The following ZFP3 variants were observed in gnomAD, a reference collection of about 807,000 sequenced individuals.
ZFP3 encodes ZFP3 zinc finger protein.
A neutral mutation model predicts 36.7 loss-of-function variants in ZFP3; 18 were observed. That is an observed-to-expected ratio of 0.49 (90% CI 0.34 to 0.73). ZFP3 has a LOEUF of 0.73. Among genes scored for constraint, ZFP3 ranks in the 30% least tolerant of loss-of-function variants. The probability of loss-of-function intolerance (pLI) is 0.01; values close to 1 mark genes in which losing one functional copy is unlikely to be tolerated. For synonymous variants in ZFP3, 218 were observed against 199.0 expected, an observed-to-expected ratio of 1.10 and a Z score of -0.81; for missense variants, 495 against 599.0, an observed-to-expected ratio of 0.83 and a Z score of 1.81.
Position 5,094,776 on chromosome 17 carries a change from T to C in ZFP3, c.*1763T>C, listed in dbSNP as rs2072171648. 1.8e-5 allele frequency: 3 copies of C among 167,254 alleles called. No homozygotes were observed. The highest frequency in any genetic ancestry group is 7.2e-5 in the African/African-American group (3 of 41,594). 10.4% of individuals were successfully genotyped at this position (167,254 alleles called of 1,614,324 possible). On this transcript the variant is annotated 3_prime_UTR_variant, in exon 2 of 2. Coordinates refer to ENST00000318833, the MANE Select transcript of ZFP3 (RefSeq NM_153018.3). The stretch of plus-strand genomic sequence containing the variant: ...TTTAATTTTCACATCATTTCTATGA[T>C]GTGGGTACTCATTTTTTTAAAGCTT...
At chr17:5,087,464 C>CT (rs1211758613) in intron 1 of ZFP3, among the ~76,000 whole-genome samples, 1 of 152,162 alleles carries the variant, frequency 6.6e-6, no homozygotes, top group African/African-American at 2.4e-5. Context: ...CCCTACCATT[C>CT]TTTATCTTCT....
At chr17:5,084,746 A>C (rs2072112480) in intron 1 of ZFP3, among the ~76,000 whole-genome samples, 1 of 152,324 alleles carries the variant, frequency 6.6e-6, no homozygotes, top group Non-Finnish European at 1.5e-5. Flanking sequence ...CCTCCATCTT[A>C]TCTCTCTTCA....
At chr17:5,086,292 C>G (rs12948667) in intron 1 of ZFP3, among the ~76,000 whole-genome samples, 1 of 151,856 alleles carries the variant, frequency 6.6e-6, no homozygotes, top group Non-Finnish European at 1.5e-5. Flanking sequence ...TAGAGGTGCC[C>G]GAGCCGGATG....
chr17:5,087,988 G>A (rs1367526601), intron 1 of ZFP3, among the ~76,000 whole-genome samples: 4 of 152,174 alleles, frequency 2.6e-5, no homozygotes, highest in Non-Finnish European at 5.9e-5. Flanking sequence ...ACTCGTGACT[G>A]TTTCTTTGAC....
At position 5,092,486 on chromosome 17, in the gene ZFP3, C is replaced by G. The variant is rs762493415; in HGVS notation, c.982C>G (p.Gln328Glu). The G allele has an allele frequency of 6.2e-7, 1 of 1,614,052 alleles. No individual in the cohort carries two copies. The highest frequency in any genetic ancestry group is 8.5e-7 in the Non-Finnish European group (1 of 1,180,004). ...FGQSSELIRH[Q>E]RIHTGDKPYE... Reference sequence around the variant, plus strand: ...GCAGAGTTCTGAGCTTATCCGGCATCAGAGAATTCATACAGGGGACAAACC... The same window carrying G: ...GCAGAGTTCTGAGCTTATCCGGCATGAGAGAATTCATACAGGGGACAAACC... Residue 328 changes from glutamine to glutamate, a missense_variant, in exon 2 of 2, where the codon CAG becomes GAG. Coordinates refer to ENST00000318833, the MANE Select transcript of ZFP3 (RefSeq NM_153018.3). This position sits in a 1 kb window ranked among gnomAD's most constrained non-coding sequence, Gnocchi z 5.0.
chr17:5,082,737 C>G (rs1380307811), intron 1 of ZFP3, among the ~76,000 whole-genome samples: 1 of 152,110 alleles, frequency 6.6e-6, no homozygotes, highest in Non-Finnish European at 1.5e-5. Flanking sequence ...GCCCTGTTGG[C>G]CAGGCTGGTC....
intron 1 of ZFP3, among the ~76,000 whole-genome samples, chr17:5,088,058 T>G (rs1393267326): frequency 6.6e-6 from 1 of 152,204 alleles, no homozygotes; most frequent in African/African-American, 2.4e-5. Flanking sequence ...CTGAGTACTT[T>G]CAAGTCTGTA....
intron 1 of ZFP3, among the ~76,000 whole-genome samples, chr17:5,088,925 GT>G (rs2072135512): frequency 6.6e-6 from 1 of 152,210 alleles, no homozygotes; most frequent in Non-Finnish European, 1.5e-5. Flanking sequence ...ACCTTCCACA[GT>G]GAACACTTTC....
In ZFP3 at chr17:5,094,091, C is replaced by T. The variant is rs914599657; in HGVS notation, c.*1078C>T. ...ATGAGTCAGTTCACCTGATGACAAA[C>T]CAGGGTCTGGCCTTGCCAAAGCACT... On this transcript the variant is annotated 3_prime_UTR_variant, in exon 2 of 2. Transcript: ENST00000318833. The T allele has an allele frequency of 1.8e-5, 3 of 167,222 alleles. No homozygotes were observed. The highest frequency in any genetic ancestry group is 4.8e-5 in the African/African-American group (2 of 41,480). The allele number at this position is 167,222 out of a possible 1,614,324, so 10.4% of individuals were successfully genotyped here.
chr17:5,079,049 C>G (rs772961124), intron 1 of ZFP3, among the ~76,000 whole-genome samples: 27 of 152,244 alleles, frequency 1.8e-4, no homozygotes, highest in Non-Finnish European at 1.8e-4. Context: ...AGATAGAGCC[C>G]TATTGTGGGT....
chr17:5,088,476 CTTTTTTTTTT>C (rs71149522), intron 1 of ZFP3, among the ~76,000 whole-genome samples: 16 of 131,294 alleles, frequency 1.2e-4, no homozygotes, highest in African/African-American at 4.5e-4. Context: ...CTACTGCTTT[CTTTTTTTTTT>C]TTTTTTTTTA....
chr17:5,087,484 C>G (rs1219089099), intron 1 of ZFP3, among the ~76,000 whole-genome samples: 1 of 152,168 alleles, frequency 6.6e-6, no homozygotes, highest in Admixed American at 6.5e-5. Context: ...TTGGCTCATT[C>G]TCTTCCTCTA....
chr17:5,086,333 G>T (rs932356633), intron 1 of ZFP3, among the ~76,000 whole-genome samples: 1 of 152,112 alleles, frequency 6.6e-6, no homozygotes, highest in Non-Finnish European at 1.5e-5. Context: ...GTGGATAACG[G>T]GAGGCTGGGC....
rs2072170773 is a variant in ZFP3, at chr17:5,094,690, A to G, written c.*1677A>G. 6.0e-6 allele frequency: 1 copy of G among 167,068 alleles called. No homozygotes were observed. The highest frequency in any genetic ancestry group is 1.5e-5 in the Non-Finnish European group (1 of 68,120). The allele number at this position is 167,068 out of a possible 1,614,324, so 10.3% of individuals were successfully genotyped here. On this transcript the variant is annotated 3_prime_UTR_variant, in exon 2 of 2. Transcript: ENST00000318833. ...CTTTAACCTCATCTTTGTTACACTA[A>G]TATTAGTCACTAATATTTATTGAGT...
chr17:5,091,944 G>A lies in ZFP3; in HGVS notation c.440G>A (p.Gly147Glu). Residue 147 changes from glycine (G) to glutamate (E), a missense_variant, in exon 2 of 2, where the codon GGG (glycine) becomes GAG (glutamate). This residue lies in a region of ZFP3 where 229 missense variants were observed against 233.8 expected (regional missense o/e 0.98). Transcript: ENST00000318833. Reference sequence around the variant, plus strand: ...AAGCCTCATACATGTAAAGAATGTGGGAAAGCCTTTAATCAGAACTCACAT... The same window carrying A: ...AAGCCTCATACATGTAAAGAATGTGAGAAAGCCTTTAATCAGAACTCACAT... ...GEKPHTCKEC[G>E]KAFNQNSHLI... The A allele has an allele frequency of 6.2e-7, 1 of 1,614,132 alleles. No individual in the cohort carries two copies. Among genetic ancestry groups the A allele is most frequent in the Non-Finnish European group, 8.5e-7 (1 of 1,180,004 alleles).
chr17:5,087,961 T>A (rs933339739), intron 1 of ZFP3, among the ~76,000 whole-genome samples: 1 of 151,962 alleles, frequency 6.6e-6, no homozygotes, highest in Admixed American at 6.6e-5. Context: ...AGAGGGAAAA[T>A]GGAAGATAAC....
chr17:5,086,962 T>A (rs1010265223), intron 1 of ZFP3, among the ~76,000 whole-genome samples: 8 of 151,982 alleles, frequency 5.3e-5, no homozygotes, highest in Non-Finnish European at 1.2e-4. Context: ...TCTCCTGACC[T>A]CATGATCTGC....
In ZFP3 at chr17:5,092,827, A is replaced by AG; in HGVS notation, c.1323_1324insG (p.Ile442AspfsTer9). ...ATTCTGAGCTGCTTCTCCACCAGAA[A>AG]ATTCATATTGGAGAGAAACCTTATG... is the stretch of plus-strand genomic sequence containing the variant. On this transcript the variant is annotated frameshift_variant, in exon 2 of 2. Transcript: ENST00000318833. LOFTEE classifies it high-confidence loss of function. The surrounding 1 kb of genome is among the most constrained non-coding windows in gnomAD (Gnocchi z 5.0). 4 of 1,614,184 alleles carry AG rather than the reference A, an allele frequency of 2.5e-6. No homozygotes were observed. The highest frequency in any genetic ancestry group is 3.4e-6 in the Non-Finnish European group (4 of 1,180,028).
Position 5,084,361 on chromosome 17 carries a change from C to T in ZFP3, c.-9+5786C>T, listed in dbSNP as rs1160402314. ...CGGGATCTCGGCTCACTGCAAGCTCCGCCTCTCGGGTTCACGCCATTCTCC... is the reference window on the plus strand; with the variant it reads ...CGGGATCTCGGCTCACTGCAAGCTCTGCCTCTCGGGTTCACGCCATTCTCC... On this transcript the variant is annotated intron_variant, in intron 1 of 1. Transcript: ENST00000318833. Among the ~76,000 whole-genome samples, 14 of 130,774 alleles carry T rather than the reference C, an allele frequency of 1.1e-4. No individual in the cohort carries two copies. In the South Asian group the frequency reaches 2.2e-3, roughly 21 times the overall value. 85.8% of individuals were successfully genotyped at this position (130,774 alleles called of 152,430 possible).
Sources: gnomAD v4.1 joint callset for allele counts (sites outside exome capture counted in the v4.1 genomes callset) on GRCh38, gnomAD v4.1.1 for gene constraint, gnomAD v4.1.1 regional missense constraint, Gnocchi (gnomAD v3.1) non-coding constraint, MANE v1.5 for transcripts, NCBI Gene and HGNC (gene_info 2026-07-23, HGNC 2026-07-21) for gene names.